WDR70: variants seen among roughly 807,000 people sequenced by gnomAD.
WDR70 encodes the protein WD repeat-containing protein 70.
A neutral mutation model predicts 88.6 loss-of-function variants in WDR70; 53 were observed. That is an observed-to-expected ratio of 0.60 (90% CI 0.48 to 0.75). The LOEUF (loss-of-function observed/expected upper bound fraction) is 0.75, where lower values mean the gene tolerates loss of function less well. WDR70 is among the 30% of genes least tolerant of loss of function. The pLI, the probability that WDR70 is intolerant of heterozygous loss-of-function variation, is 0.00. For synonymous variants in WDR70, 280 were observed against 270.0 expected (o/e 1.04, Z -0.36); for missense variants, 610 against 823.2 (o/e 0.74, Z 3.17).
chr5:37,714,744 C>T (rs187780527), intron 13 of WDR70, among the ~76,000 whole-genome samples: 1 of 152,204 alleles, frequency 6.6e-6, no homozygotes, highest in Non-Finnish European at 1.5e-5. Context: ...CTGTTTGTTT[C>T]CTACTCACAG....
At chr5:37,416,009 C>T (rs185142029) in intron 5 of WDR70, among the ~76,000 whole-genome samples, 8 of 150,246 alleles carry the variant, frequency 5.3e-5, no homozygotes, top group African/African-American at 2.0e-4. Context: ...CTGGCAGAGA[C>T]GCTCCTCACT....
chr5:37,468,629 C>T (rs1314775551), intron 7 of WDR70, among the ~76,000 whole-genome samples: 3 of 151,888 alleles, frequency 2.0e-5, no homozygotes, highest in African/African-American at 7.3e-5. Flanking sequence ...TGGCTATTTT[C>T]AAATATATAA....
intron 4 of WDR70, 124 bp from the exon 5 acceptor site, chr5:37,396,250 TA>T (rs1482015560): frequency 1.5e-6 from 2 of 1,319,754 alleles, no homozygotes; most frequent in African/African-American, 1.5e-5. Context: ...ACTACAAATT[TA>T]AAAAAATTAA....
intron 8 of WDR70, among the ~76,000 whole-genome samples, chr5:37,494,831 A>T (rs1740168540): frequency 6.6e-6 from 1 of 152,250 alleles, no homozygotes; most frequent in Non-Finnish European, 1.5e-5. Context: ...GGATATTAAA[A>T]TTACTCAGGA....
At chr5:37,701,451 T>C (rs1210643127) in intron 12 of WDR70, among the ~76,000 whole-genome samples, 2 of 152,172 alleles carry the variant, frequency 1.3e-5, no homozygotes, top group Admixed American at 1.3e-4. Flanking sequence ...TAATATTGTA[T>C]AAATGACAAG....
chr5:37,408,200 A>G (rs1749412443), intron 5 of WDR70, among the ~76,000 whole-genome samples: 1 of 151,966 alleles, frequency 6.6e-6, no homozygotes, highest in African/African-American at 2.4e-5. Context: ...GGTCAAGCGC[A>G]GTGGCTCATG....
chr5:37,527,428 A>G (rs1272132814), intron 9 of WDR70, among the ~76,000 whole-genome samples: 1 of 152,264 alleles, frequency 6.6e-6, no homozygotes, highest in African/African-American at 2.4e-5. Context: ...CTGGCTAGCC[A>G]TATGTAGAAA....
chr5:37,555,804 C>T (rs1742279467), intron 9 of WDR70, among the ~76,000 whole-genome samples: 1 of 152,096 alleles, frequency 6.6e-6, no homozygotes, highest in South Asian at 2.1e-4. Context: ...CTGCAACCTC[C>T]ACCTCCTGGG....
intron 10 of WDR70, among the ~76,000 whole-genome samples, chr5:37,685,630 A>G (rs758105810): frequency 2.6e-5 from 4 of 152,044 alleles, no homozygotes; most frequent in South Asian, 2.1e-4. Flanking sequence ...AAGCAAGTCA[A>G]TCCTAGGGGT....
At chr5:37,428,584 C>G (rs1286622777) in intron 5 of WDR70, among the ~76,000 whole-genome samples, 1 of 152,174 alleles carries the variant, frequency 6.6e-6, no homozygotes, top group East Asian at 1.9e-4. Context: ...ACTTGCCCAT[C>G]TTGTCTCATG....
chr5:37,420,302 A>G (rs1333323704), intron 5 of WDR70, among the ~76,000 whole-genome samples: 6 of 152,382 alleles, frequency 3.9e-5, no homozygotes, highest in African/African-American at 1.4e-4. Flanking sequence ...AGACAGCCAG[A>G]GGAACAGACA....
At chr5:37,470,623 A>G (rs8180378) in intron 7 of WDR70, among the ~76,000 whole-genome samples, 131,950 of 152,176 alleles carry the variant, frequency 0.87, 60,254 homozygotes, top group East Asian at 1. Context: ...GATTATATTT[A>G]TAAAATATAT....
intron 8 of WDR70, among the ~76,000 whole-genome samples, chr5:37,498,029 C>A (rs190026588): frequency 6.6e-6 from 1 of 152,266 alleles, no homozygotes; most frequent in East Asian, 1.9e-4. Flanking sequence ...GCCATGTTGT[C>A]CAGGCTGGTC....
At chr5:37,415,665 A>ACC (rs535329599) in intron 5 of WDR70, among the ~76,000 whole-genome samples, 3 of 134,618 alleles carry the variant, frequency 2.2e-5, no homozygotes, top group African/African-American at 8.8e-5. Flanking sequence ...CGGGGGGCTG[A>ACC]CCCCCCCACC....
intron 7 of WDR70, among the ~76,000 whole-genome samples, chr5:37,455,618 G>A (rs1274256203): frequency 7.1e-6 from 1 of 141,210 alleles, no homozygotes; most frequent in African/African-American, 2.5e-5. Flanking sequence ...TTTTTCTCTC[G>A]GGTCCAGTTC....
intron 7 of WDR70, among the ~76,000 whole-genome samples, chr5:37,462,460 G>A (rs1739035671): frequency 2.0e-5 from 3 of 152,040 alleles, no homozygotes; most frequent in South Asian, 2.1e-4. Context: ...CTGCCATGAC[G>A]CCTGGCTAAT....
At chr5:37,481,533 G>A (rs565369194) in intron 8 of WDR70, among the ~76,000 whole-genome samples, 1 of 152,120 alleles carries the variant, frequency 6.6e-6, no homozygotes, top group South Asian at 2.1e-4. Flanking sequence ...TTTTACCTAT[G>A]GCGGGAGCAG....
At chr5:37,531,613 A>G (rs13162083) in intron 9 of WDR70, among the ~76,000 whole-genome samples, 1 of 68,166 alleles carries the variant, frequency 1.5e-5, no homozygotes, top group Non-Finnish European at 3.3e-5. Flanking sequence ...TTTTTGTCTG[A>G]TATAAGACTA....
chr5:37,748,059 CT>C (rs1207049524), intron 17 of WDR70, among the ~76,000 whole-genome samples: 3 of 152,214 alleles, frequency 2.0e-5, no homozygotes, highest in Non-Finnish European at 4.4e-5. Flanking sequence ...AATGGCCATA[CT>C]ACCCAAAGTA....
Sources: gnomAD v4.1 joint callset for allele counts (sites outside exome capture counted in the v4.1 genomes callset) on GRCh38, gnomAD v4.1.1 for gene constraint, MANE v1.5 for transcripts, NCBI Gene and HGNC (gene_info 2026-07-23, HGNC 2026-07-21) for gene names.